The following GABRB1 variants were observed in gnomAD, a reference collection of about 807,000 sequenced individuals.
The protein encoded by GABRB1 is gamma-aminobutyric acid type A receptor subunit beta1.
A neutral mutation model predicts 51.6 loss-of-function variants in GABRB1; 17 were observed. That is an observed-to-expected ratio of 0.33 (90% CI 0.23 to 0.49). The LOEUF (loss-of-function observed/expected upper bound fraction) is 0.49. Ranked by LOEUF, GABRB1 falls within the 20% of genes least tolerant of loss-of-function variation. The pLI is 0.99. For synonymous variants in GABRB1, 247 were observed against 218.9 expected (o/e 1.13, Z -1.14); for missense variants, 410 against 600.6 (o/e 0.68, Z 3.32).
At chr4:46,997,224 T>C (rs1420624906) in intron 1 of GABRB1, among the ~76,000 whole-genome samples, 2 of 152,074 alleles carry the variant, frequency 1.3e-5, no homozygotes, top group Non-Finnish European at 2.9e-5. Context: ...TACAACAAGA[T>C]GTTTTGATAT....
chr4:47,048,284 G>C (rs1726188114), intron 3 of GABRB1, among the ~76,000 whole-genome samples: 1 of 152,086 alleles, frequency 6.6e-6, no homozygotes, highest in Admixed American at 6.6e-5. Context: ...TTCTTGGAAC[G>C]ACTAACTTGT....
intron 1 of GABRB1, among the ~76,000 whole-genome samples, chr4:47,003,780 G>A (rs868259672): frequency 5.9e-5 from 9 of 152,170 alleles, no homozygotes; most frequent in Admixed American, 5.2e-4. Flanking sequence ...CCAGTGAGGC[G>A]TTTATTCTGC....
intron 8 of GABRB1, among the ~76,000 whole-genome samples, chr4:47,424,709 T>G (rs1330291101): frequency 8.5e-5 from 13 of 152,202 alleles, no homozygotes; most frequent in Non-Finnish European, 8.8e-5. Context: ...TACTTCAAGC[T>G]CATTTTCACA....
intron 7 of GABRB1, among the ~76,000 whole-genome samples, chr4:47,406,209 T>C (rs1440666185): frequency 6.6e-6 from 1 of 152,208 alleles, no homozygotes; most frequent in Non-Finnish European, 1.5e-5. Flanking sequence ...GGGTGTCCTG[T>C]AGATTCATGG....
chr4:47,318,875 A>G (rs1216054745), intron 4 of GABRB1, among the ~76,000 whole-genome samples: 2 of 152,114 alleles, frequency 1.3e-5, no homozygotes, highest in African/African-American at 2.4e-5. Context: ...AAAAATTCAA[A>G]TTAAATGGTT....
intron 3 of GABRB1, among the ~76,000 whole-genome samples, chr4:47,078,049 G>T (rs1457796250): frequency 2.1e-5 from 3 of 145,860 alleles, no homozygotes; most frequent in African/African-American, 7.6e-5. Flanking sequence ...GAGTGCAATG[G>T]CATGACCTTG....
At chr4:47,216,292 G>T (rs1275485642) in intron 4 of GABRB1, among the ~76,000 whole-genome samples, 1 of 151,802 alleles carries the variant, frequency 6.6e-6, no homozygotes, top group Non-Finnish European at 1.5e-5. Flanking sequence ...AGAAGAGGGA[G>T]GGTATCCTTT....
chr4:47,326,956 C>A (rs1211799902), intron 5 of GABRB1, among the ~76,000 whole-genome samples: 1 of 152,126 alleles, frequency 6.6e-6, no homozygotes. Flanking sequence ...GTTTTGCTCA[C>A]CATTCAATCA....
At chr4:47,199,308 C>A (rs553916465) in intron 4 of GABRB1, among the ~76,000 whole-genome samples, 3 of 152,228 alleles carry the variant, frequency 2.0e-5, no homozygotes, top group South Asian at 2.1e-4. Flanking sequence ...GCTGGACAAC[C>A]TTTTGCTAGT....
chr4:47,423,202 C>A (rs944346172), intron 8 of GABRB1, among the ~76,000 whole-genome samples: 3 of 151,716 alleles, frequency 2.0e-5, no homozygotes, highest in African/African-American at 7.3e-5. Flanking sequence ...ACCTGAAGAT[C>A]ATTTTTACAC....
At chr4:47,298,137 C>G (rs1283167758) in intron 4 of GABRB1, among the ~76,000 whole-genome samples, 5 of 152,076 alleles carry the variant, frequency 3.3e-5, no homozygotes, top group African/African-American at 9.7e-5. Flanking sequence ...CAATATCATA[C>G]TGAATGGGCA....
chr4:47,302,165 A>T (rs544135810), intron 4 of GABRB1, among the ~76,000 whole-genome samples: 66 of 152,268 alleles, frequency 4.3e-4, no homozygotes, highest in African/African-American at 1.5e-3. Flanking sequence ...TGATCCAACA[A>T]TTCCCAATGT....
intron 4 of GABRB1, among the ~76,000 whole-genome samples, chr4:47,249,427 T>C (rs560236284): frequency 6.6e-6 from 1 of 152,170 alleles, no homozygotes; most frequent in East Asian, 1.9e-4. Flanking sequence ...TTATGACCTA[T>C]CATGTGGTCT....
Position 47,290,629 on chromosome 4 carries a change from C to T in GABRB1, c.462-29498C>T, listed in dbSNP as rs377414368. Among the ~76,000 whole-genome samples the T allele has an allele frequency of 1.2e-4, 18 of 152,012 alleles. No homozygotes were observed. In the East Asian group the frequency reaches 1.7e-3, roughly 15 times the overall value. On this transcript the variant is annotated intron_variant, in intron 4 of 8. Transcript: ENST00000295454. ...ATAGCTTTGACCAAAAGCCTGATAG[C>T]GATATGGACAATAAGGTGCAGACTG...
chr4:47,291,558 G>A (rs1481027884), intron 4 of GABRB1, among the ~76,000 whole-genome samples: 1 of 152,160 alleles, frequency 6.6e-6, no homozygotes, highest in African/African-American at 2.4e-5. Context: ...AAAAGCTGAA[G>A]ACACTCAATG....
intron 5 of GABRB1, among the ~76,000 whole-genome samples, chr4:47,331,020 G>A (rs1218574661): frequency 1.3e-5 from 2 of 152,060 alleles, no homozygotes; most frequent in Non-Finnish European, 2.9e-5. Flanking sequence ...AAAAATAACA[G>A]AAGTAAATTG....
At chr4:47,219,187 G>T (rs986112746) in intron 4 of GABRB1, among the ~76,000 whole-genome samples, 1 of 151,752 alleles carries the variant, frequency 6.6e-6, no homozygotes, top group Admixed American at 6.6e-5. Flanking sequence ...TTAAAATGTT[G>T]TATGTCATAT....
At chr4:47,134,510 C>T (rs1341033335) in intron 3 of GABRB1, among the ~76,000 whole-genome samples, 4 of 151,840 alleles carry the variant, frequency 2.6e-5, no homozygotes, top group Non-Finnish European at 5.9e-5. Flanking sequence ...GATGGATGCC[C>T]TTAAGAAAAT....
chr4:47,326,049 T>TA (rs1400947895), intron 5 of GABRB1, among the ~76,000 whole-genome samples: 4 of 152,328 alleles, frequency 2.6e-5, no homozygotes, highest in African/African-American at 9.6e-5. Flanking sequence ...TCATCAGTTT[T>TA]AAATTATACC....
Sources: gnomAD v4.1 joint callset for allele counts (sites outside exome capture counted in the v4.1 genomes callset) on GRCh38, gnomAD v4.1.1 for gene constraint, MANE v1.5 for transcripts, NCBI Gene and HGNC (gene_info 2026-07-23, HGNC 2026-07-21) for gene names.